Variants in SLC39A11 observed in about 807,000 individuals in gnomAD.
SLC39A11 encodes the protein zinc transporter ZIP11.
Under a neutral mutation model 36.1 loss-of-function variants are expected in SLC39A11, and 33 were observed. The ratio of observed to expected loss-of-function variants is 0.91; its 90% CI spans 0.69 to 1.22. The LOEUF (loss-of-function observed/expected upper bound fraction) is 1.22. SLC39A11 is among the 50% of genes most tolerant of loss of function. SLC39A11 has a pLI of 0.00. For missense variants in SLC39A11, 432 were observed against 430.3 expected (o/e 1.00, Z -0.03); for synonymous variants, 166 against 170.3 (o/e 0.97, Z 0.20).
chr17:73,009,570 T>C (rs2090397631), intron 4 of SLC39A11, among the ~76,000 whole-genome samples: 1 of 151,718 alleles, frequency 6.6e-6, no homozygotes, highest in Non-Finnish European at 1.5e-5. Flanking sequence ...AATGGGGAGA[T>C]GGAGAGTGAT....
rs114288337 is a variant in SLC39A11, at chr17:73,091,613, G to C, written c.-12+998C>G. On this transcript the variant is annotated intron_variant, in intron 1 of 9. Coordinates refer to ENST00000255559, the MANE Select transcript of SLC39A11 (RefSeq NM_139177.4). ...TCAAGAGAAGAAAAAGTTTCTGGCA[G>C]AGTCCCAAGAGAACAAGAAGTTTTC... Among the ~76,000 whole-genome samples the C allele has an allele frequency of 3.2e-3, 490 of 152,300 alleles. 3 individuals carry two copies. The highest frequency in any genetic ancestry group is 0.011 in the African/African-American group (454 of 41,556).
At chr17:72,902,145 C>T (rs2082421537) in intron 5 of SLC39A11, among the ~76,000 whole-genome samples, 2 of 152,130 alleles carry the variant, frequency 1.3e-5, no homozygotes, top group African/African-American at 4.8e-5. Flanking sequence ...GTGGCACACG[C>T]CTGTAATCCC....
At chr17:72,898,534 T>G (rs543816074) in intron 5 of SLC39A11, among the ~76,000 whole-genome samples, 1 of 152,190 alleles carries the variant, frequency 6.6e-6, no homozygotes, top group Non-Finnish European at 1.5e-5. Flanking sequence ...TGCTGTGACA[T>G]AGAGGCAGGG....
chr17:73,017,961 T>C (rs1017669236), intron 4 of SLC39A11, among the ~76,000 whole-genome samples: 7 of 152,168 alleles, frequency 4.6e-5, no homozygotes, highest in Non-Finnish European at 7.3e-5. Flanking sequence ...CCAGAGGTCA[T>C]ATGGTACTAG....
chr17:72,774,792 C>CT (rs1446824182), intron 6 of SLC39A11, among the ~76,000 whole-genome samples: 1 of 152,154 alleles, frequency 6.6e-6, no homozygotes, highest in Admixed American at 6.6e-5. Flanking sequence ...CGGGATCTAG[C>CT]TACATACATT....
At chr17:73,025,699 A>C (rs1473359076) in intron 4 of SLC39A11, among the ~76,000 whole-genome samples, 2 of 152,244 alleles carry the variant, frequency 1.3e-5, no homozygotes, top group Admixed American at 6.5e-5. Context: ...AGAAGATCGA[A>C]ATGGAGTCAG....
chr17:72,703,427 A>G (rs1229181177), intron 7 of SLC39A11, among the ~76,000 whole-genome samples: 2 of 152,206 alleles, frequency 1.3e-5, no homozygotes, highest in African/African-American at 4.8e-5. Flanking sequence ...AAGGAGACAC[A>G]GTAAGCAAAA....
chr17:72,684,173 C>T (rs1188314187), intron 7 of SLC39A11, among the ~76,000 whole-genome samples: 2 of 152,158 alleles, frequency 1.3e-5, no homozygotes, highest in African/African-American at 2.4e-5. Context: ...CCCTGGACAG[C>T]TCATGAGTCA....
At chr17:72,878,620 C>G (rs946378652) in intron 5 of SLC39A11, among the ~76,000 whole-genome samples, 17 of 152,202 alleles carry the variant, frequency 1.1e-4, no homozygotes, top group African/African-American at 3.9e-4. Flanking sequence ...CCCTACACCC[C>G]CTTTATTGCT....
intron 6 of SLC39A11, among the ~76,000 whole-genome samples, chr17:72,833,852 C>T (rs1402856396): frequency 6.6e-6 from 1 of 152,142 alleles, no homozygotes; most frequent in Non-Finnish European, 1.5e-5. Flanking sequence ...CAGTCCCCAA[C>T]TCAGGAAATA....
chr17:73,036,744 G>A (rs2058929645), intron 3 of SLC39A11, among the ~76,000 whole-genome samples: 1 of 152,178 alleles, frequency 6.6e-6, no homozygotes, highest in Non-Finnish European at 1.5e-5. Flanking sequence ...ACCACGACCA[G>A]CTGGTCCATA....
At chr17:72,667,944 G>A (rs2070830424) in intron 7 of SLC39A11, among the ~76,000 whole-genome samples, 2 of 152,230 alleles carry the variant, frequency 1.3e-5, no homozygotes, top group South Asian at 4.1e-4. Context: ...GTTCAGGTCT[G>A]CTGACTCCAG....
chr17:72,847,409 A>ATT (rs1567815099), intron 6 of SLC39A11, among the ~76,000 whole-genome samples: 3 of 148,868 alleles, frequency 2.0e-5, no homozygotes, highest in East Asian at 2.0e-4. Flanking sequence ...CTCATAAAAA[A>ATT]AAAAAAAAAA....
At chr17:72,891,856 T>C (rs2081762909) in intron 5 of SLC39A11, among the ~76,000 whole-genome samples, 1 of 151,606 alleles carries the variant, frequency 6.6e-6, no homozygotes, top group African/African-American at 2.4e-5. Context: ...TGTAAAATAA[T>C]TTTTATTATT....
intron 3 of SLC39A11, among the ~76,000 whole-genome samples, chr17:73,083,268 G>A (rs143633614): frequency 3.9e-5 from 6 of 152,268 alleles, no homozygotes; most frequent in Admixed American, 2.0e-4. Flanking sequence ...GGAAGAGAAC[G>A]TATGGAAGCT....
intron 6 of SLC39A11, among the ~76,000 whole-genome samples, chr17:72,739,235 C>T (rs1161422217): frequency 6.6e-6 from 1 of 151,766 alleles, no homozygotes; most frequent in Non-Finnish European, 1.5e-5. Context: ...TCAAGTGAGT[C>T]TCCTGCCTCA....
intron 6 of SLC39A11, among the ~76,000 whole-genome samples, chr17:72,800,210 C>A (rs1337830392): frequency 6.6e-6 from 1 of 151,508 alleles, no homozygotes; most frequent in East Asian, 1.9e-4. Context: ...AAGGATACTT[C>A]AAAGTGGAAG....
At chr17:73,074,804 C>T (rs974575167) in intron 3 of SLC39A11, among the ~76,000 whole-genome samples, 6 of 152,190 alleles carry the variant, frequency 3.9e-5, no homozygotes, top group African/African-American at 1.4e-4. Context: ...TCATGTCTTT[C>T]ATAAGAAACC....
chr17:72,994,665 C>G (rs886811429), intron 4 of SLC39A11, among the ~76,000 whole-genome samples: 2 of 152,174 alleles, frequency 1.3e-5, no homozygotes, highest in Non-Finnish European at 2.9e-5. Flanking sequence ...CAAACAGGAT[C>G]CAGCCTACTT....
Sources: gnomAD v4.1 joint callset for allele counts (sites outside exome capture counted in the v4.1 genomes callset) on GRCh38, gnomAD v4.1.1 for gene constraint, MANE v1.5 for transcripts, NCBI Gene and HGNC (gene_info 2026-07-23, HGNC 2026-07-21) for gene names.